UQCRC2: variants seen among roughly 807,000 people sequenced by gnomAD.
UQCRC2 encodes the protein ubiquinol-cytochrome c reductase core protein 2.
In UQCRC2, 49 loss-of-function variants were observed where a neutral mutation model predicts 55.6. The ratio of observed to expected loss-of-function variants is 0.88; its 90% confidence interval spans 0.70 to 1.12. The LOEUF is 1.12. Among genes scored for constraint, UQCRC2 ranks in the 50% most tolerant of loss-of-function variants. The pLI, the probability that UQCRC2 is intolerant of heterozygous loss-of-function variation, is 0.00. For missense variants in UQCRC2, 506 were observed against 547.8 expected, an observed-to-expected ratio of 0.92 and a Z score of 0.76; for synonymous variants, 193 against 192.0, an observed-to-expected ratio of 1.01 and a Z score of -0.04.
intron 7 of UQCRC2, among the ~76,000 whole-genome samples, chr16:21,966,622 T>TA (rs1245005770): frequency 2.0e-5 from 3 of 152,236 alleles, no homozygotes; most frequent in African/African-American, 7.2e-5. Context: ...TTTTGACTTA[T>TA]CAATTAACAG....
At chr16:21,974,482 T>C (rs1567477740) in intron 11 of UQCRC2, among the ~76,000 whole-genome samples, 2 of 152,180 alleles carry the variant, frequency 1.3e-5, no homozygotes, top group Non-Finnish European at 2.9e-5. Context: ...TTAACACCAT[T>C]TTGACCCACA....
intron 8 of UQCRC2, among the ~76,000 whole-genome samples, chr16:21,969,699 TA>T (rs922319850): frequency 6.6e-5 from 10 of 152,170 alleles, no homozygotes; most frequent in Non-Finnish European, 1.5e-4. Flanking sequence ...TTACATGCTA[TA>T]AAATTCACCC....
rs1898050959 is a variant in UQCRC2, at chr16:21,953,811, CT to C, written c.33+358del. On this transcript the variant is annotated intron_variant, in intron 1 of 13. Coordinates refer to ENST00000268379, the MANE Select transcript of UQCRC2 (RefSeq NM_003366.4). ...CGGCGCACTTAGCCCCCCACCTTCA[CT>C]TTATCCGCTGCAGCCTCTGCTCCTT... is the stretch of plus-strand genomic sequence containing the variant. Among the ~76,000 whole-genome samples, 4 of 152,302 alleles carry C rather than the reference CT, an allele frequency of 2.6e-5. No homozygotes were observed. In the South Asian group the frequency reaches 8.3e-4, roughly 32 times the overall value.
At chr16:21,965,196 G>C (rs1354953373) in intron 6 of UQCRC2, among the ~76,000 whole-genome samples, 1 of 152,196 alleles carries the variant, frequency 6.6e-6, no homozygotes, top group African/African-American at 2.4e-5. Context: ...AGAAGCTGCT[G>C]CCATGTAATC....
chr16:21,957,657 T>G, intron 3 of UQCRC2, 91 bp downstream of exon 3: 3 of 1,512,132 alleles, frequency 2.0e-6, no homozygotes, highest in Non-Finnish European at 2.7e-6. Context: ...CTTTATATTT[T>G]GATTCCTTGA....
At chr16:21,957,821 A>G (rs1400439367) in intron 3 of UQCRC2, among the ~76,000 whole-genome samples, 3 of 152,154 alleles carry the variant, frequency 2.0e-5, no homozygotes, top group African/African-American at 7.2e-5. Flanking sequence ...GGAAGGCACA[A>G]ATCCTCCCCT....
chr16:21,974,876 T>G (rs1432872647), intron 11 of UQCRC2, among the ~76,000 whole-genome samples: 1 of 152,170 alleles, frequency 6.6e-6, no homozygotes, highest in Non-Finnish European at 1.5e-5. Flanking sequence ...GATGGGGAAG[T>G]ACCTCCTCAG....
intron 1 of UQCRC2, 45 bp downstream of exon 1, chr16:21,953,501 G>A: frequency 6.2e-7 from 1 of 1,604,796 alleles, no homozygotes; most frequent in Non-Finnish European, 8.5e-7. Flanking sequence ...GGAGCAGTGT[G>A]TCGACAAGGT....
At chr16:21,963,751 G>A (rs962935213) in intron 6 of UQCRC2, among the ~76,000 whole-genome samples, 1 of 152,142 alleles carries the variant, frequency 6.6e-6, no homozygotes, top group African/African-American at 2.4e-5. Context: ...TTACAGGCGT[G>A]AGCCACTGTG....
chr16:21,968,054 T>C (rs145094598), intron 7 of UQCRC2, among the ~76,000 whole-genome samples: 1,591 of 147,246 alleles, frequency 0.011, 28 homozygotes, highest in African/African-American at 0.038. Flanking sequence ...CAGGCCAGAG[T>C]GCAATGACAC....
Position 21,958,892 on chromosome 16 carries a change from T to C in UQCRC2, c.332+293T>C, listed in dbSNP as rs373523021. Among the ~76,000 whole-genome samples, 38 of 152,306 alleles carry C rather than the reference T, an allele frequency of 2.5e-4. No individual in the cohort carries two copies. In the East Asian group the frequency reaches 5.2e-3, roughly 21 times the overall value. Reference sequence around the variant, plus strand: ...ATTGCAGCAAAGCAAGTCATAGGAATTTTGTGGTTTCCCAGTGCATATAAA... The same window carrying C: ...ATTGCAGCAAAGCAAGTCATAGGAACTTTGTGGTTTCCCAGTGCATATAAA... On this transcript the variant is annotated intron_variant, in intron 4 of 13. Coordinates refer to ENST00000268379, the MANE Select transcript of UQCRC2 (RefSeq NM_003366.4).
At chr16:21,969,694 T>C (rs1013133930) in intron 8 of UQCRC2, among the ~76,000 whole-genome samples, 3 of 152,176 alleles carry the variant, frequency 2.0e-5, no homozygotes, top group Non-Finnish European at 4.4e-5. Flanking sequence ...ATAATTTACA[T>C]GCTATAAAAT....
chr16:21,976,292 G>A (rs1898583815), intron 12 of UQCRC2, 49 bp downstream of exon 12: 3 of 1,455,852 alleles, frequency 2.1e-6, no homozygotes, highest in Non-Finnish European at 2.9e-6. Context: ...TTTGAAAGTT[G>A]TATTCTTTTC....
chr16:21,966,282 G>A (rs1259241318), intron 7 of UQCRC2, among the ~76,000 whole-genome samples: 2 of 151,638 alleles, frequency 1.3e-5, no homozygotes, highest in Non-Finnish European at 2.9e-5. Context: ...TTCCATCCTC[G>A]CTCACTCATT....
chr16:21,957,504 A>G lies in UQCRC2; in HGVS notation c.205A>G (p.Ser69Gly). Residue 69 changes from serine (S) to glycine (G), a missense_variant, in exon 3 of 14, where the codon AGT (serine) becomes GGT (glycine). By Grantham distance (56) the Ser-to-Gly change is moderately conservative. Coordinates refer to ENST00000268379, the MANE Select transcript of UQCRC2 (RefSeq NM_003366.4). ...SRIGLFIKAG[S>G]RYEDFSNLGT... is the part of the protein sequence containing the mutation. ...AATTGGTTTGTTCATTAAAGCAGGC[A>G]GTAGATATGAGGACTTCAGCAATTT... 1 of 1,614,226 alleles carries G rather than the reference A, an allele frequency of 6.2e-7. No individual in the cohort carries two copies.
chr16:21,983,339 T>A lies in UQCRC2; in HGVS notation c.*168T>A. ...AGCTGACCTAAAGTCAATAAAACAT[T>A]CTGTTTAAGTGTTTTTCTTACGTTT... On this transcript the variant is annotated 3_prime_UTR_variant, in exon 14 of 14. Coordinates refer to ENST00000268379, the MANE Select transcript of UQCRC2 (RefSeq NM_003366.4). 2 of 570,562 alleles carry A rather than the reference T, an allele frequency of 3.5e-6. No individual in the cohort carries two copies. Among genetic ancestry groups the A allele is most frequent in the Non-Finnish European group, 6.0e-6 (2 of 330,738 alleles). The allele number at this position is 570,562 out of a possible 1,614,324, so 35.3% of individuals were successfully genotyped here.
Position 21,958,562 on chromosome 16 carries a change from A to T in UQCRC2, c.295A>T (p.Ile99Leu). ...LTTKGASSFK[I>L]TRGIEAVGGK... ...GACAAAAGGAGCTTCATCTTTCAAG[A>T]TAACCCGTGGAATTGAAGCAGTTGG... Residue 99 changes from isoleucine to leucine, a missense_variant, in exon 4 of 14, where the codon ATA (isoleucine) becomes TTA (leucine). By Grantham distance (5) the Ile-to-Leu change is conservative (BLOSUM62 2). Coordinates refer to ENST00000268379, the MANE Select transcript of UQCRC2 (RefSeq NM_003366.4). 6.2e-7 allele frequency: 1 copy of T among 1,612,830 alleles called. No homozygotes were observed. The highest frequency in any genetic ancestry group is 8.5e-7 in the Non-Finnish European group (1 of 1,179,670).
At chr16:21,957,634 C>CT in intron 3 of UQCRC2, 68 bp downstream of exon 3, 1 of 1,566,322 alleles carries the variant, frequency 6.4e-7, no homozygotes, top group Non-Finnish European at 8.6e-7. Flanking sequence ...AAAAGAAAAA[C>CT]TAAGATCAAT....
At chr16:21,972,870 G>A (rs1417221263) in intron 10 of UQCRC2, among the ~76,000 whole-genome samples, 1 of 152,246 alleles carries the variant, frequency 6.6e-6, no homozygotes, top group Non-Finnish European at 1.5e-5. Context: ...GGGAGGCCAA[G>A]TTGGGCGGAT....
Sources: allele counts gnomAD v4.1 joint callset (sites outside exome capture counted in the v4.1 genomes callset), GRCh38; gene constraint gnomAD v4.1.1; transcripts MANE v1.5; gene names NCBI Gene and HGNC (gene_info 2026-07-23, HGNC 2026-07-21).